The following UBXN2A variants were observed in gnomAD, a reference collection of about 807,000 sequenced individuals.
UBXN2A encodes UBX domain-containing protein 2A.
In UBXN2A, 28 loss-of-function variants were observed where a neutral mutation model predicts 28.4. The observed-to-expected ratio is 0.99, with a 90% CI of 0.73 to 1.35. The LOEUF (loss-of-function observed/expected upper bound fraction) is 1.35, where lower values mean the gene tolerates loss of function less well. UBXN2A is among the 40% of genes most tolerant of loss of function. The pLI is 0.00. For synonymous variants in UBXN2A, 97 were observed against 103.6 expected (o/e 0.94, Z 0.39); for missense variants, 253 against 297.9 (o/e 0.85, Z 1.11).
chr2:23,973,323 A>T (rs945997320), intron 3 of UBXN2A, among the ~76,000 whole-genome samples: 3 of 143,992 alleles, frequency 2.1e-5, no homozygotes, highest in Non-Finnish European at 4.5e-5. Context: ...CTGGCCTGGT[A>T]GATATTTTCT....
intron 1 of UBXN2A, among the ~76,000 whole-genome samples, chr2:23,942,756 C>A (rs1705831728): frequency 1.3e-5 from 2 of 151,572 alleles, no homozygotes; most frequent in African/African-American, 4.9e-5. Flanking sequence ...GGATTTGGGA[C>A]CAGCTTTTTC....
chr2:23,930,222 G>T (rs561069388), intron 1 of UBXN2A, among the ~76,000 whole-genome samples: 24 of 152,298 alleles, frequency 1.6e-4, no homozygotes, highest in South Asian at 6.2e-4. Flanking sequence ...AACTGAGCTT[G>T]AGCCCAGGAG....
At chr2:23,986,166 C>T (rs1041373980) in intron 6 of UBXN2A, among the ~76,000 whole-genome samples, 2 of 151,762 alleles carry the variant, frequency 1.3e-5, no homozygotes, top group African/African-American at 4.8e-5. Flanking sequence ...AAAAATTAGC[C>T]GGGCGTGGTG....
upstream of UBXN2A, among the ~76,000 whole-genome samples, chr2:23,938,644 A>G (rs911657774): frequency 4.6e-5 from 7 of 151,686 alleles, no homozygotes; most frequent in African/African-American, 1.7e-4. Context: ...AAAGAGGAGC[A>G]AAGTTGGAGG....
intron 1 of UBXN2A, chr2:23,944,376 T>C (rs375069626): frequency 2.1e-6 from 3 of 1,399,958 alleles, no homozygotes; most frequent in Admixed American, 1.7e-5. Flanking sequence ...CAGCATCATC[T>C]TCCTACACAT....
intron 6 of UBXN2A, among the ~76,000 whole-genome samples, chr2:23,994,770 A>G (rs755606336): frequency 7.2e-5 from 11 of 152,252 alleles, no homozygotes; most frequent in Non-Finnish European, 1.6e-4. Context: ...TTCAGATGAC[A>G]TCATCTTCCT....
At chr2:23,998,448 G>C (rs540145832) in intron 6 of UBXN2A, among the ~76,000 whole-genome samples, 104 of 152,122 alleles carry the variant, frequency 6.8e-4, no homozygotes, top group Non-Finnish European at 1.2e-3. Flanking sequence ...GGCTGGGCAC[G>C]GTGGCTCACA....
intron 2 of UBXN2A, among the ~76,000 whole-genome samples, chr2:23,960,181 A>G (rs1178841902): frequency 5.9e-5 from 9 of 152,018 alleles, no homozygotes; most frequent in Non-Finnish European, 1.3e-4. Flanking sequence ...GCGTGAACCC[A>G]GGAGGTGGAG....
chr2:23,942,326 A>AAG (rs1277302575), intron 1 of UBXN2A, among the ~76,000 whole-genome samples: 31 of 151,770 alleles, frequency 2.0e-4, no homozygotes, highest in African/African-American at 7.5e-4. Flanking sequence ...GAGGCTAGGG[A>AAG]AGATGGTCAT....
Position 23,976,967 on chromosome 2 carries a change from A to G in UBXN2A, c.181-2A>G, listed in dbSNP as rs1280402965. On this transcript the variant is annotated splice_acceptor_variant, in intron 3 of 6. Transcript: ENST00000309033. LOFTEE classifies it high-confidence loss of function. ...CGCATTTTGTTTCCTACTGTTTTGC[A>G]GGTAGATGTAAATATAAAATTATGG... 5.6e-6 allele frequency: 9 copies of G among 1,603,780 alleles called. No individual in the cohort carries two copies. Among genetic ancestry groups the G allele is most frequent in the Non-Finnish European group, 7.7e-6 (9 of 1,171,456 alleles).
chr2:23,964,323 G>T (rs2150849947), intron 2 of UBXN2A, among the ~76,000 whole-genome samples: 1 of 152,006 alleles, frequency 6.6e-6, no homozygotes, highest in South Asian at 2.1e-4. Flanking sequence ...TGATTCTCCT[G>T]CCTCAGCCTC....
intron 2 of UBXN2A, among the ~76,000 whole-genome samples, chr2:23,965,723 C>T (rs1172873802): frequency 2.6e-5 from 4 of 152,132 alleles, no homozygotes; most frequent in Admixed American, 2.0e-4. Flanking sequence ...GTGTTATCCT[C>T]GTAGAATGAG....
intron 4 of UBXN2A, among the ~76,000 whole-genome samples, chr2:23,981,802 C>T (rs557625649): frequency 6.6e-5 from 10 of 151,900 alleles, no homozygotes; most frequent in African/African-American, 2.2e-4. Flanking sequence ...GCAGGAGGAT[C>T]GCTTCAGCCC....
intron 1 of UBXN2A, among the ~76,000 whole-genome samples, chr2:23,950,075 A>C (rs984262747): frequency 3.2e-4 from 43 of 135,386 alleles, no homozygotes; most frequent in Non-Finnish European, 4.8e-4. Flanking sequence ...TGTGAAGGAT[A>C]CAGGAAATGT....
At chr2:23,927,534 G>A (rs930227128) in exon 1 of UBXN2A, 2 of 151,344 alleles carry the variant, frequency 1.3e-5, no homozygotes, top group Non-Finnish European at 2.9e-5. Flanking sequence ...CACTGAACTT[G>A]AGTCGCACTT....
chr2:23,971,488 G>C, intron 3 of UBXN2A, 74 bp downstream of exon 3: 1 of 1,395,526 alleles, frequency 7.2e-7, no homozygotes, highest in Non-Finnish European at 9.5e-7. Flanking sequence ...GGGTCCCTAA[G>C]GTCAAAATTG....
At chr2:23,992,968 A>G (rs1708405721) in intron 6 of UBXN2A, among the ~76,000 whole-genome samples, 2 of 152,092 alleles carry the variant, frequency 1.3e-5, no homozygotes, top group Admixed American at 6.6e-5. Flanking sequence ...TTTACTCTGC[A>G]AGGAGGTTTC....
intron 1 of UBXN2A, among the ~76,000 whole-genome samples, chr2:23,942,285 A>G (rs1705799755): frequency 2.0e-5 from 3 of 152,266 alleles, no homozygotes; most frequent in Middle Eastern, 6.8e-3. Flanking sequence ...AGGAGAGAAG[A>G]AAGGCTCAGG....
At position 23,958,443 on chromosome 2, in the gene UBXN2A, G is replaced by C. The variant is rs931820875; in HGVS notation, c.41+88G>C. 1.5e-4 allele frequency: 197 copies of C among 1,314,660 alleles called. 1 individual carries two copies. The highest frequency in any genetic ancestry group is 2.0e-4 in the Non-Finnish European group (194 of 967,540). 81.4% of individuals were successfully genotyped at this position (1,314,660 alleles called of 1,614,324 possible). ...TTACATTTCACTTGCAGAGATAGTA[G>C]AGTACGTTTTAATTATGTATGACTA... is the stretch of plus-strand genomic sequence containing the variant. On this transcript the variant is annotated intron_variant, in intron 2 of 6. Coordinates refer to ENST00000309033, the MANE Select transcript of UBXN2A (RefSeq NM_181713.4).
Sources: gnomAD v4.1 joint callset for allele counts (sites outside exome capture counted in the v4.1 genomes callset) on GRCh38, gnomAD v4.1.1 for gene constraint, MANE v1.5 for transcripts, NCBI Gene and HGNC (gene_info 2026-07-23, HGNC 2026-07-21) for gene names.